Variants in TMEM267 observed in about 807,000 individuals in gnomAD.
TMEM267 encodes transmembrane protein C5orf28.
In TMEM267, 20 loss-of-function variants were observed where a neutral mutation model predicts 19.3. That is an observed-to-expected ratio of 1.04 (90% CI 0.73 to 1.51). TMEM267 has a LOEUF of 1.51. TMEM267 is among the 40% of genes most tolerant of loss of function. The pLI is 0.00. For synonymous variants in TMEM267, 88 were observed against 90.3 expected, an observed-to-expected ratio of 0.97 and a Z score of 0.15; for missense variants, 242 against 261.9, an observed-to-expected ratio of 0.92 and a Z score of 0.52.
intron 1 of TMEM267, among the ~76,000 whole-genome samples, chr5:43,463,018 C>T (rs1285322545): frequency 2.6e-5 from 4 of 151,630 alleles, no homozygotes; most frequent in Non-Finnish European, 5.9e-5. Context: ...TTTGAAAAGA[C>T]CAACAAAATC....
At chr5:43,479,671 T>C (rs1419681159) in intron 1 of TMEM267, among the ~76,000 whole-genome samples, 2 of 152,088 alleles carry the variant, frequency 1.3e-5, no homozygotes, top group Non-Finnish European at 2.9e-5. Context: ...TGCAGATTCC[T>C]TATGTGAAGC....
At chr5:43,474,408 A>G (rs1038784366) in intron 1 of TMEM267, among the ~76,000 whole-genome samples, 3 of 152,232 alleles carry the variant, frequency 2.0e-5, no homozygotes, top group African/African-American at 7.2e-5. Context: ...CCAATTTACA[A>G]GAAAAAAGCA....
At chr5:43,469,950 A>G (rs1432551700) in intron 1 of TMEM267, among the ~76,000 whole-genome samples, 1 of 152,148 alleles carries the variant, frequency 6.6e-6, no homozygotes, top group Non-Finnish European at 1.5e-5. Context: ...AGACAAATGG[A>G]TATCTGATTG....
rs567366417 is a variant in TMEM267 at position 43,446,024 on chromosome 5, T to A, written c.*198A>T. ...AAACTCTAATATTGCACTAGAGTTGTCATAGAAGAGAGAAGTAGAATAATA... is the reference window on the plus strand; with the variant it reads ...AAACTCTAATATTGCACTAGAGTTGACATAGAAGAGAGAAGTAGAATAATA... On this transcript the variant is annotated 3_prime_UTR_variant, in exon 3 of 3. Coordinates refer to ENST00000397080, the MANE Select transcript of TMEM267 (RefSeq NM_022483.5). The A allele has an allele frequency of 1.8e-5, 7 of 391,878 alleles. No homozygotes were observed. The South Asian group carries it at 3.6e-4, about 20-fold the overall frequency. 24.3% of individuals were successfully genotyped at this position (391,878 alleles called of 1,614,324 possible).
intron 1 of TMEM267, among the ~76,000 whole-genome samples, chr5:43,458,387 C>A (rs968087837): frequency 6.6e-6 from 1 of 152,200 alleles, no homozygotes; most frequent in Non-Finnish European, 1.5e-5. Flanking sequence ...CAGGCGTGAG[C>A]CACTGAACCT....
rs3030116 is a variant in TMEM267 at position 43,448,784 on chromosome 5, A to ACCC, written c.313-2230_313-2228dup. On this transcript the variant is annotated intron_variant, in intron 2 of 2. Coordinates refer to ENST00000397080, the MANE Select transcript of TMEM267 (RefSeq NM_022483.5). ...AGAGTGAAACTCTGTCTAAAAAACAACCCCCCCCCACAAAAAAAACTATCT... is the reference window on the plus strand; with the variant it reads ...AGAGTGAAACTCTGTCTAAAAAACAACCCCCCCCCCCCACAAAAAAAACTATCT... 3.5e-5 allele frequency among the ~76,000 whole-genome samples: 5 copies of ACCC among 143,536 alleles called. No individual in the cohort carries two copies. The East Asian group carries it at 6.2e-4, about 18-fold the overall frequency. The allele number at this position is 143,536 out of a possible 152,430, so 94.2% of individuals were successfully genotyped here. A position where few individuals can be genotyped will look rare whatever the true frequency, so the allele number is the denominator to read the frequency against.
rs904365257 is a variant in TMEM267 at position 43,445,165 on chromosome 5, T to C, written c.*1057A>G. On this transcript the variant is annotated 3_prime_UTR_variant, in exon 3 of 3. Coordinates refer to ENST00000397080, the MANE Select transcript of TMEM267 (RefSeq NM_022483.5). ...AGATGTATAGCAACTAAATTTTCCT[T>C]CTCTAATAAAGAGGAATCATTTTAA... The C allele has an allele frequency of 6.6e-6, 1 of 152,126 alleles. No homozygotes were observed. Among genetic ancestry groups the C allele is most frequent in the African/African-American group, 2.4e-5 (1 of 41,442 alleles). 9.4% of individuals were successfully genotyped at this position (152,126 alleles called of 1,614,324 possible). A position where few individuals can be genotyped will look rare whatever the true frequency, so the allele number is the denominator to read the frequency against.
intron 2 of TMEM267, among the ~76,000 whole-genome samples, chr5:43,448,108 T>G (rs1329356016): frequency 6.6e-6 from 1 of 152,228 alleles, no homozygotes; most frequent in Non-Finnish European, 1.5e-5. Context: ...CTTGTCCCAC[T>G]GTCAAATCAG....
At chr5:43,463,907 C>A (rs946934220) in intron 1 of TMEM267, among the ~76,000 whole-genome samples, 5 of 152,128 alleles carry the variant, frequency 3.3e-5, no homozygotes, top group African/African-American at 1.2e-4. Context: ...GACAGGGATG[C>A]CCTCTCTCAC....
At position 43,446,389 on chromosome 5, in the gene TMEM267, T is replaced by A; in HGVS notation, c.481A>T (p.Ile161Phe). The change falls in exon 3 of 3, where the codon ATT becomes TTT. Residue 161 changes from isoleucine to phenylalanine, a missense_variant. Physicochemically the swap from Ile to Phe is conservative, Grantham distance 21 (BLOSUM62 0). Transcript: ENST00000397080. Reference protein sequence around the residue: ...SWTSHHIRDGIRHGLWICPFG... With the variant: ...SWTSHHIRDGFRHGLWICPFG... Reference sequence around the variant, plus strand: ...GGGCATATCCACAAACCATGACGAATCCCATCTCGGATATGATGTGAAGTC... The same window carrying A: ...GGGCATATCCACAAACCATGACGAAACCCATCTCGGATATGATGTGAAGTC... 7 of 1,614,092 alleles carry A rather than the reference T, an allele frequency of 4.3e-6. No homozygotes were observed. Among genetic ancestry groups the A allele is most frequent in the Non-Finnish European group, 5.9e-6 (7 of 1,179,986 alleles).
chr5:43,447,565 T>C (rs1419945053), intron 2 of TMEM267, among the ~76,000 whole-genome samples: 2 of 152,274 alleles, frequency 1.3e-5, no homozygotes, highest in Non-Finnish European at 2.9e-5. Context: ...ATAGTTATGA[T>C]TGTCTAAATC....
At chr5:43,465,328 G>C (rs528356485) in intron 1 of TMEM267, among the ~76,000 whole-genome samples, 1 of 152,196 alleles carries the variant, frequency 6.6e-6, no homozygotes, top group Non-Finnish European at 1.5e-5. Context: ...AGAGGATGTG[G>C]ATGTGGAGAA....
intron 1 of TMEM267, among the ~76,000 whole-genome samples, chr5:43,483,457 A>T (rs1016898484): frequency 2.0e-5 from 3 of 152,190 alleles, no homozygotes; most frequent in Non-Finnish European, 4.4e-5. Flanking sequence ...AAGGACGGCA[A>T]TGGGCTCCTT....
At chr5:43,476,867 C>CA (rs907420008) in intron 1 of TMEM267, among the ~76,000 whole-genome samples, 2 of 150,318 alleles carry the variant, frequency 1.3e-5, no homozygotes, top group African/African-American at 4.9e-5. Flanking sequence ...AGGGCAAAAA[C>CA]AGTTTTGTAT....
chr5:43,483,155 A>G (rs1422409282), intron 1 of TMEM267, among the ~76,000 whole-genome samples: 1 of 152,242 alleles, frequency 6.6e-6, no homozygotes, highest in Non-Finnish European at 1.5e-5. Flanking sequence ...CAACTAACTG[A>G]CAAAGGAAAC....
chr5:43,447,995 G>T (rs1742359953), intron 2 of TMEM267, among the ~76,000 whole-genome samples: 1 of 152,142 alleles, frequency 6.6e-6, no homozygotes, highest in Non-Finnish European at 1.5e-5. Context: ...AGGAAAAGAA[G>T]TAGTAAAAGG....
intron 1 of TMEM267, among the ~76,000 whole-genome samples, chr5:43,470,108 C>G (rs1743974833): frequency 6.6e-6 from 1 of 152,074 alleles, no homozygotes; most frequent in Admixed American, 6.5e-5. Context: ...TTGAGTTGTC[C>G]CGCCTTTCCA....
At chr5:43,475,078 G>A (rs895102753) in intron 1 of TMEM267, among the ~76,000 whole-genome samples, 4 of 152,296 alleles carry the variant, frequency 2.6e-5, no homozygotes, top group East Asian at 3.9e-4. Context: ...TCATGCACAC[G>A]TATGTTTATT....
chr5:43,470,089 G>A (rs1017077082), intron 1 of TMEM267, among the ~76,000 whole-genome samples: 2 of 152,182 alleles, frequency 1.3e-5, no homozygotes, highest in Non-Finnish European at 1.5e-5. Flanking sequence ...TGACCTGGAA[G>A]TCTTCCCTTT....
Sources: allele counts gnomAD v4.1 joint callset (sites outside exome capture counted in the v4.1 genomes callset), GRCh38; gene constraint gnomAD v4.1.1; transcripts MANE v1.5; gene names NCBI Gene and HGNC (gene_info 2026-07-23, HGNC 2026-07-21).